Variants in ATXN1 observed in about 807,000 individuals in gnomAD.
ATXN1 encodes ataxin 1.
Under a neutral mutation model 56.4 loss-of-function variants are expected in ATXN1, and 8 were observed. The observed-to-expected ratio is 0.14, with a 90% confidence interval of 0.08 to 0.26. The LOEUF is 0.26. ATXN1 is among the 10% of genes least tolerant of loss of function. The pLI, the probability that ATXN1 is intolerant of heterozygous loss-of-function variation, is 1.00. For missense variants in ATXN1, 987 were observed against 1,106.5 expected (o/e 0.89, Z 1.53); for synonymous variants, 514 against 494.6 (o/e 1.04, Z -0.52).
At chr6:16,648,169 CTT>C (rs1378313639) in intron 3 of ATXN1, among the ~76,000 whole-genome samples, 1 of 152,216 alleles carries the variant, frequency 6.6e-6, no homozygotes, top group East Asian at 1.9e-4. Context: ...GTTCACTTCT[CTT>C]TTATATCCTT....
intron 2 of ATXN1, among the ~76,000 whole-genome samples, chr6:16,746,710 C>T (rs535192804): frequency 2.0e-5 from 3 of 151,864 alleles, no homozygotes; most frequent in Non-Finnish European, 2.9e-5. Flanking sequence ...ATTTAGGCAC[C>T]GCTTATGACT....
intron 4 of ATXN1, among the ~76,000 whole-genome samples, chr6:16,549,896 C>CA (rs66603893): frequency 0.55 from 36,431 of 66,512 alleles, 9,880 homozygotes; most frequent in African/African-American, 0.73. Flanking sequence ...AACTCTGTCT[C>CA]AAAAAAAAAA....
At chr6:16,657,419 C>G (rs752126575) in intron 3 of ATXN1, among the ~76,000 whole-genome samples, 1 of 152,204 alleles carries the variant, frequency 6.6e-6, no homozygotes. Flanking sequence ...TACTTCCTCT[C>G]GTGCGATTAA....
chr6:16,496,228 G>A (rs1480458710), intron 5 of ATXN1, among the ~76,000 whole-genome samples: 2 of 152,046 alleles, frequency 1.3e-5, no homozygotes, highest in Non-Finnish European at 2.9e-5. Context: ...TTTGGAGGAG[G>A]CTTCATAAAA....
At chr6:16,663,646 T>A (rs994809782) in intron 2 of ATXN1, among the ~76,000 whole-genome samples, 3 of 150,458 alleles carry the variant, frequency 2.0e-5, no homozygotes, top group Non-Finnish European at 4.4e-5. Flanking sequence ...TTTTTTAATT[T>A]TTTATTTATT....
intron 2 of ATXN1, chr6:16,740,022 G>A (rs759749399): frequency 2.7e-6 from 1 of 367,860 alleles, no homozygotes; most frequent in Non-Finnish European, 5.7e-6. Context: ...AGATTGAGGA[G>A]GGCACCTAAG....
In ATXN1 at chr6:16,306,542, C is replaced by T. The variant is rs954135771; in HGVS notation, c.2235G>A (p.Lys745=). 3 of 1,614,210 alleles carry T rather than the reference C, an allele frequency of 1.9e-6. No homozygotes were observed. The highest frequency in any genetic ancestry group is 1.7e-5 in the Admixed American group (1 of 60,032). Residue 745 remains lysine (K), a synonymous_variant, in exon 8 of 8, where the codon AAG becomes AAA. Transcript: ENST00000436367. This position sits in a 1 kb window ranked among gnomAD's most constrained non-coding sequence, Gnocchi z 5.2. ...CAGGCAATCCCATTTTCTCTGGAAA[C>T]TTCAGTTCGCCATTCTCAGAGAGCA... The part of the protein sequence containing the change: ...AQMLSENGEL[K]FPEKMGLPAA...
intron 6 of ATXN1, among the ~76,000 whole-genome samples, chr6:16,348,494 T>A (rs1251014584): frequency 1.3e-5 from 2 of 151,762 alleles, no homozygotes; most frequent in Non-Finnish European, 2.9e-5. Flanking sequence ...AGATCCAGAG[T>A]TCGAGACCAG....
At chr6:16,322,770 T>A (rs1186642944) in intron 7 of ATXN1, among the ~76,000 whole-genome samples, 1 of 152,226 alleles carries the variant, frequency 6.6e-6, no homozygotes, top group East Asian at 1.9e-4. Context: ...TGTCTGAGTC[T>A]CCACTGACTC....
At chr6:16,337,379 G>A (rs1237035791) in intron 6 of ATXN1, among the ~76,000 whole-genome samples, 1 of 152,248 alleles carries the variant, frequency 6.6e-6, no homozygotes, top group Non-Finnish European at 1.5e-5. Context: ...CAGCCTGGAT[G>A]AGGAAGGAGG....
chr6:16,337,383 A>G (rs1761147784), intron 6 of ATXN1, among the ~76,000 whole-genome samples: 1 of 152,136 alleles, frequency 6.6e-6, no homozygotes, highest in Admixed American at 6.5e-5. Context: ...CTGGATGAGG[A>G]AGGAGGAGGG....
intron 6 of ATXN1, among the ~76,000 whole-genome samples, chr6:16,341,388 ATG>A (rs1761244939): frequency 6.6e-6 from 1 of 151,858 alleles, no homozygotes; most frequent in East Asian, 1.9e-4. Context: ...TAAAAACATA[ATG>A]TCCAGATCTA....
At chr6:16,477,602 C>A (rs1038259420) in intron 6 of ATXN1, among the ~76,000 whole-genome samples, 1 of 152,202 alleles carries the variant, frequency 6.6e-6, no homozygotes, top group Non-Finnish European at 1.5e-5. Flanking sequence ...GTTTCCCTTC[C>A]TTCTGCCTCC....
chr6:16,500,557 G>A (rs1760863244), intron 5 of ATXN1, among the ~76,000 whole-genome samples: 1 of 152,006 alleles, frequency 6.6e-6, no homozygotes, highest in Non-Finnish European at 1.5e-5. Flanking sequence ...TATGCATGTG[G>A]GTGTGTGAGT....
rs1760874037 is a variant in ATXN1 at position 16,755,925 on chromosome 6, AAAAAT to A, written c.-729-2583_-729-2579del. On this transcript the variant is annotated intron_variant, in intron 1 of 7. Coordinates refer to ENST00000436367, the MANE Select transcript of ATXN1 (RefSeq NM_001128164.2). ...AAATGGGATGCATTAAAAGTTACAG[AAAAAT>A]CAATGAAACATTTCTGCTAACATGA... Among the ~76,000 whole-genome samples the A allele has an allele frequency of 2.6e-5, 4 of 152,164 alleles. No individual in the cohort carries two copies. In the South Asian group the frequency reaches 8.3e-4, roughly 32 times the overall value.
intron 6 of ATXN1, among the ~76,000 whole-genome samples, chr6:16,411,354 A>C (rs1561885822): frequency 6.6e-6 from 1 of 152,028 alleles, no homozygotes; most frequent in Non-Finnish European, 1.5e-5. Flanking sequence ...TTTAATATTG[A>C]TATTGAATTA....
chr6:16,631,044 GATAATA>G (rs1415120667), intron 3 of ATXN1, among the ~76,000 whole-genome samples: 2 of 152,184 alleles, frequency 1.3e-5, no homozygotes, highest in African/African-American at 4.8e-5. Flanking sequence ...GCTCTTTGTT[GATAATA>G]ATAATAACTA....
At chr6:16,419,438 T>C (rs1758986616) in intron 6 of ATXN1, among the ~76,000 whole-genome samples, 1 of 151,538 alleles carries the variant, frequency 6.6e-6, no homozygotes, top group African/African-American at 2.4e-5. Context: ...TTTATAAATA[T>C]ATACATTAAT....
chr6:16,341,301 G>A (rs1186857295), intron 6 of ATXN1, among the ~76,000 whole-genome samples: 1 of 152,124 alleles, frequency 6.6e-6, no homozygotes, highest in Non-Finnish European at 1.5e-5. Context: ...TGCAGCCTTA[G>A]TACTAGGGCC....
Sources: allele counts gnomAD v4.1 joint callset (sites outside exome capture counted in the v4.1 genomes callset), GRCh38; gene constraint gnomAD v4.1.1; non-coding constraint Gnocchi (gnomAD v3.1); transcripts MANE v1.5; gene names NCBI Gene and HGNC (gene_info 2026-07-23, HGNC 2026-07-21).